The following CSMD1 variants were observed in gnomAD, a reference collection of about 807,000 sequenced individuals.
CSMD1 encodes CUB and Sushi multiple domains 1.
A neutral mutation model predicts 417.5 loss-of-function variants in CSMD1; 213 were observed. That is an observed-to-expected ratio of 0.51 (90% confidence interval 0.46 to 0.57). The LOEUF is 0.57. Among genes scored for constraint, CSMD1 ranks in the 20% least tolerant of loss-of-function variants. CSMD1 has a pLI of 0.00. For missense variants in CSMD1, 6,923 were observed against 4,529.7 expected (o/e 1.53, Z -15.17); for synonymous variants, 2,862 against 1,736.8 (o/e 1.65, Z -16.11).
At chr8:3,777,124 ACACACAC>A (rs1798934541) in intron 5 of CSMD1, among the ~76,000 whole-genome samples, 1 of 698 alleles carries the variant, frequency 1.4e-3, no homozygotes, top group Non-Finnish European at 3.0e-3. Context: ...CTATACCTAC[ACACACAC>A]ACACACACAC....
Position 3,920,897 on chromosome 8 carries a change from C to G in CSMD1, c.818+77006G>C, listed in dbSNP as rs180809250. Among the ~76,000 whole-genome samples, 65 of 152,202 alleles carry G rather than the reference C, an allele frequency of 4.3e-4. No homozygotes were observed. The Middle Eastern group carries it at 0.01, about 24-fold the overall frequency. On this transcript the variant is annotated intron_variant, in intron 5 of 69. Transcript: ENST00000635120. ...GCTAGTGTTTTGTTGAGAATTTTTG[C>G]ATCTATTTTGATTACAGACATTGGC...
At chr8:3,740,094 T>C (rs528913031) in intron 6 of CSMD1, among the ~76,000 whole-genome samples, 3 of 152,252 alleles carry the variant, frequency 2.0e-5, no homozygotes, top group East Asian at 3.9e-4. Flanking sequence ...GGTATTCATT[T>C]TACAAAATTT....
chr8:3,848,968 T>C (rs1406558016), intron 5 of CSMD1, among the ~76,000 whole-genome samples: 1 of 151,242 alleles, frequency 6.6e-6, no homozygotes, highest in Non-Finnish European at 1.5e-5. Flanking sequence ...ATTGCAAAAA[T>C]ATACTCCTAG....
In CSMD1 at chr8:2,962,744, A is replaced by C; in HGVS notation, c.9455-105T>G. ...TGTTAAATCTTTAGCTTTAACTATT[A>C]AACAAGAAAAACGCTAAAAGGAGGC... is the stretch of plus-strand genomic sequence containing the variant. On this transcript the variant is annotated intron_variant, in intron 60 of 69. Transcript: ENST00000635120. 7.5e-6 allele frequency: 9 copies of C among 1,197,750 alleles called. No homozygotes were observed. In the South Asian group the frequency reaches 1.4e-4, roughly 19 times the overall value. The allele number at this position is 1,197,750 out of a possible 1,614,324, so 74.2% of individuals were successfully genotyped here. A position where few individuals can be genotyped will look rare whatever the true frequency, so the allele number is the denominator to read the frequency against.
intron 5 of CSMD1, among the ~76,000 whole-genome samples, chr8:3,809,800 G>T (rs1204411690): frequency 6.6e-6 from 1 of 152,210 alleles, no homozygotes; most frequent in East Asian, 1.9e-4. Context: ...GTCATTAGGA[G>T]AAAATGCACT....
At chr8:4,546,429 G>C (rs1019231339) in intron 2 of CSMD1, among the ~76,000 whole-genome samples, 2 of 152,184 alleles carry the variant, frequency 1.3e-5, no homozygotes, top group African/African-American at 4.8e-5. Flanking sequence ...TCGGCAGACT[G>C]AGTGAAGAAC....
intron 2 of CSMD1, among the ~76,000 whole-genome samples, chr8:4,437,695 T>A (rs917018892): frequency 6.6e-6 from 1 of 152,202 alleles, no homozygotes; most frequent in African/African-American, 2.4e-5. Context: ...ACCTTTAGCA[T>A]AGAATAAGAT....
At chr8:3,948,077 G>A (rs1811358448) in intron 5 of CSMD1, among the ~76,000 whole-genome samples, 1 of 152,110 alleles carries the variant, frequency 6.6e-6, no homozygotes. Flanking sequence ...ATGGTGGCAA[G>A]TGCCTTTAAT....
chr8:3,991,342 G>A (rs141189714), intron 5 of CSMD1, among the ~76,000 whole-genome samples: 1 of 152,164 alleles, frequency 6.6e-6, no homozygotes, highest in African/African-American at 2.4e-5. Context: ...GTCTGGGATG[G>A]CCAGTTTTCT....
chr8:4,094,289 A>G (rs573280678), intron 3 of CSMD1, among the ~76,000 whole-genome samples: 1 of 152,216 alleles, frequency 6.6e-6, no homozygotes, highest in African/African-American at 2.4e-5. Context: ...GGCGGTAGGG[A>G]ACAAGGAGAA....
At position 3,896,449 on chromosome 8, in the gene CSMD1, T is replaced by G. The variant is rs1807371615; in HGVS notation, c.818+101454A>C. 2.0e-5 allele frequency among the ~76,000 whole-genome samples: 3 copies of G among 152,258 alleles called. No homozygotes were observed. In the South Asian group the frequency reaches 6.2e-4, roughly 32 times the overall value. ...TAATGTCTCCAAAACGTTGAACACTTGGGAGAGAAAGTAAATTCAATAAAA... is the reference window on the plus strand; with the variant it reads ...TAATGTCTCCAAAACGTTGAACACTGGGGAGAGAAAGTAAATTCAATAAAA... On this transcript the variant is annotated intron_variant, in intron 5 of 69. Coordinates refer to ENST00000635120, the MANE Select transcript of CSMD1 (RefSeq NM_033225.6).
intron 5 of CSMD1, among the ~76,000 whole-genome samples, chr8:3,912,846 G>C (rs1808552716): frequency 6.6e-6 from 1 of 152,180 alleles, no homozygotes; most frequent in Non-Finnish European, 1.5e-5. Context: ...TCTGTTGAGA[G>C]TTCTGGAGGG....
chr8:4,111,918 A>T (rs1801877777), intron 3 of CSMD1, among the ~76,000 whole-genome samples: 1 of 152,204 alleles, frequency 6.6e-6, no homozygotes, highest in Non-Finnish European at 1.5e-5. Flanking sequence ...GTACCCCAGA[A>T]CTTAAAATAA....
chr8:3,454,374 T>C (rs1300898563), intron 12 of CSMD1, among the ~76,000 whole-genome samples: 1 of 152,222 alleles, frequency 6.6e-6, no homozygotes, highest in Non-Finnish European at 1.5e-5. Flanking sequence ...GCTGGTTATT[T>C]TGCTTGTTAG....
At chr8:3,666,652 G>T (rs966858958) in intron 7 of CSMD1, among the ~76,000 whole-genome samples, 1 of 152,156 alleles carries the variant, frequency 6.6e-6, no homozygotes, top group Non-Finnish European at 1.5e-5. Context: ...CATGGGGGCA[G>T]TTTCCCCCAT....
At chr8:3,829,017 T>C (rs868623037) in intron 5 of CSMD1, among the ~76,000 whole-genome samples, 15 of 152,010 alleles carry the variant, frequency 9.9e-5, no homozygotes, top group South Asian at 2.1e-4. Context: ...CAATCACCTT[T>C]CTTTTTTTTT....
At chr8:3,980,210 C>T (rs1162842085) in intron 5 of CSMD1, among the ~76,000 whole-genome samples, 1 of 152,122 alleles carries the variant, frequency 6.6e-6, no homozygotes, top group South Asian at 2.1e-4. Context: ...ATTAGCTATG[C>T]CTCATCTTAT....
rs576876355 is a variant in CSMD1 at position 4,679,697 on chromosome 8, A to G, written c.86-42139T>C. On this transcript the variant is annotated intron_variant, in intron 1 of 69. Coordinates refer to ENST00000635120, the MANE Select transcript of CSMD1 (RefSeq NM_033225.6). ...CATAACTATCTACAAGAACCCAGACACTCAGTGGATTTTTGCTGGATTTGA... is the reference window on the plus strand; with the variant it reads ...CATAACTATCTACAAGAACCCAGACGCTCAGTGGATTTTTGCTGGATTTGA... Among the ~76,000 whole-genome samples, 6 of 143,940 alleles carry G rather than the reference A, an allele frequency of 4.2e-5. No individual in the cohort carries two copies. The South Asian group carries it at 1.2e-3, about 30-fold the overall frequency. 94.4% of individuals were successfully genotyped at this position (143,940 alleles called of 152,430 possible). A position where few individuals can be genotyped will look rare whatever the true frequency, so the allele number is the denominator to read the frequency against.
rs147338032 is a variant in CSMD1 at position 3,973,328 on chromosome 8, C to G, written c.818+24575G>C. Among the ~76,000 whole-genome samples, 162 of 152,270 alleles carry G rather than the reference C, an allele frequency of 1.1e-3. 2 individuals are homozygous for G. Among genetic ancestry groups the G allele is most frequent in the African/African-American group, 3.6e-3 (150 of 41,556 alleles). ...TTTGAATATCAGTTGAATGTCTGCA[C>G]TCTGCTTGGTGCTAGATAGAAGATT... On this transcript the variant is annotated intron_variant, in intron 5 of 69. Transcript: ENST00000635120.
Sources: allele counts gnomAD v4.1 joint callset (sites outside exome capture counted in the v4.1 genomes callset), GRCh38; gene constraint gnomAD v4.1.1; transcripts MANE v1.5; gene names NCBI Gene and HGNC (gene_info 2026-07-23, HGNC 2026-07-21).